ENTHD1: variants seen among roughly 807,000 people sequenced by gnomAD.
ENTHD1 encodes ENTH domain-containing protein 1.
ENTHD1 carries 23 observed loss-of-function variants against 39.1 expected under a neutral mutation model. The observed-to-expected ratio is 0.59, with a 90% CI of 0.42 to 0.83. The LOEUF is 0.83. ENTHD1 is among the 40% of genes least tolerant of loss of function. ENTHD1 has a pLI of 0.00. For missense variants in ENTHD1, 624 were observed against 705.4 expected, an observed-to-expected ratio of 0.88 and a Z score of 1.31; for synonymous variants, 230 against 258.2, an observed-to-expected ratio of 0.89 and a Z score of 1.05.
intron 5 of ENTHD1, among the ~76,000 whole-genome samples, chr22:39,790,853 C>T (rs1208610082): frequency 1.3e-5 from 2 of 152,162 alleles, no homozygotes; most frequent in African/African-American, 4.8e-5. Flanking sequence ...GGTGAAGACT[C>T]ACAACATGGT....
chr22:39,774,554 T>C lies in ENTHD1; in HGVS notation c.833-8945A>G, dbSNP rs576942416. ...GAACTATGGTTGTTACCACAACTTCTAAGAGGTCTCTCCAGCTTACCCCCT... is the reference window on the plus strand; with the variant it reads ...GAACTATGGTTGTTACCACAACTTCCAAGAGGTCTCTCCAGCTTACCCCCT... On this transcript the variant is annotated intron_variant, in intron 5 of 6. Transcript: ENST00000325157. Among the ~76,000 whole-genome samples the C allele has an allele frequency of 7.0e-4, 106 of 152,302 alleles. 1 individual carries two copies. In the South Asian group the frequency reaches 0.02, roughly 29 times the overall value.
At chr22:39,872,963 T>C (rs1365743554) in intron 2 of ENTHD1, among the ~76,000 whole-genome samples, 3 of 151,638 alleles carry the variant, frequency 2.0e-5, no homozygotes, top group Non-Finnish European at 4.4e-5. Context: ...CCATCAGCCA[T>C]GCCTAGCTAA....
intron 6 of ENTHD1, among the ~76,000 whole-genome samples, chr22:39,764,294 C>A (rs1368829186): frequency 6.6e-6 from 1 of 151,958 alleles, no homozygotes; most frequent in African/African-American, 2.4e-5. Context: ...GGCAACATAG[C>A]AAGACCCCAC....
intron 5 of ENTHD1, among the ~76,000 whole-genome samples, chr22:39,789,043 C>T (rs898964981): frequency 6.6e-6 from 1 of 151,994 alleles, no homozygotes; most frequent in Non-Finnish European, 1.5e-5. Flanking sequence ...GGCTTTATTG[C>T]GGTGGTCTGG....
chr22:39,748,052 C>T (rs1473915071), intron 6 of ENTHD1, among the ~76,000 whole-genome samples: 1 of 152,020 alleles, frequency 6.6e-6, no homozygotes, highest in African/African-American at 2.4e-5. Context: ...AATTTGAGAA[C>T]AGCCTGAGCA....
chr22:39,807,817 CAATA>C (rs1260135698), intron 5 of ENTHD1, among the ~76,000 whole-genome samples: 1 of 151,666 alleles, frequency 6.6e-6, no homozygotes, highest in Admixed American at 6.6e-5. Flanking sequence ...AGTACACTGT[CAATA>C]AACATTGTTT....
intron 5 of ENTHD1, among the ~76,000 whole-genome samples, chr22:39,804,158 T>C (rs1368400235): frequency 6.6e-6 from 1 of 151,596 alleles, no homozygotes; most frequent in Non-Finnish European, 1.5e-5. Flanking sequence ...AGCAAAACTC[T>C]GTCTCAAAAA....
At chr22:39,876,982 A>G (rs2066295705) in intron 2 of ENTHD1, among the ~76,000 whole-genome samples, 1 of 152,216 alleles carries the variant, frequency 6.6e-6, no homozygotes, top group Non-Finnish European at 1.5e-5. Flanking sequence ...AAAGATGTGT[A>G]CATAAATGGA....
intron 2 of ENTHD1, among the ~76,000 whole-genome samples, chr22:39,884,265 A>G (rs1450887528): frequency 6.6e-6 from 1 of 151,398 alleles, no homozygotes; most frequent in African/African-American, 2.4e-5. Flanking sequence ...TGCAACCTTC[A>G]CCTCCTAGGT....
At chr22:39,790,675 G>T (rs1378375643) in intron 5 of ENTHD1, among the ~76,000 whole-genome samples, 4 of 152,192 alleles carry the variant, frequency 2.6e-5, no homozygotes, top group Non-Finnish European at 4.4e-5. Context: ...CTACTGGTCA[G>T]ATCGTCTGTT....
chr22:39,765,455 C>G lies in ENTHD1; in HGVS notation c.987G>C (p.Leu329Phe). 6.2e-7 allele frequency: 1 copy of G among 1,613,846 alleles called. No individual in the cohort carries two copies. Among genetic ancestry groups the G allele is most frequent in the Non-Finnish European group, 8.5e-7 (1 of 1,179,950 alleles). The change falls in exon 6 of 7, where the codon TTG (leucine) becomes TTC (phenylalanine). Residue 329 changes from leucine to phenylalanine, a missense_variant. Coordinates refer to ENST00000325157, the MANE Select transcript of ENTHD1 (RefSeq NM_152512.4). Reference sequence around the variant, plus strand: ...TTGACCAACATGCTGGTAAAATTGTCAATGTTTTAAGACCTTCTGCAGCTG... The same window carrying G: ...TTGACCAACATGCTGGTAAAATTGTGAATGTTTTAAGACCTTCTGCAGCTG... ...KQSAAEGLKT[L>F]TILPACWSSK... is the part of the protein sequence containing the mutation.
chr22:39,846,933 T>G (rs1001624295), intron 3 of ENTHD1, among the ~76,000 whole-genome samples: 2 of 152,126 alleles, frequency 1.3e-5, no homozygotes, highest in Non-Finnish European at 2.9e-5. Flanking sequence ...GGAACACTTT[T>G]ACACTGTTGG....
rs370150436 is a variant in ENTHD1 at position 39,759,740 on chromosome 22, C to CTAGTTT, written c.1219+5477_1219+5482dup. Among the ~76,000 whole-genome samples the CTAGTTT allele has an allele frequency of 2.8e-4, 43 of 152,104 alleles. 1 individual carries two copies. Among genetic ancestry groups the CTAGTTT allele is most frequent in the African/African-American group, 9.6e-4 (40 of 41,552 alleles). ...TAATTTTCCCTCTAGCAATTTCCTA[C>CTAGTTT]TAGTTTTAATGCATCTCACATTTTT... On this transcript the variant is annotated intron_variant, in intron 6 of 6. Coordinates refer to ENST00000325157, the MANE Select transcript of ENTHD1 (RefSeq NM_152512.4).
At chr22:39,839,684 A>G (rs1259207131) in intron 3 of ENTHD1, among the ~76,000 whole-genome samples, 2 of 152,200 alleles carry the variant, frequency 1.3e-5, no homozygotes, top group Admixed American at 1.3e-4. Flanking sequence ...TAGATCATCT[A>G]TCTACTTTCA....
At chr22:39,871,357 GACTA>G (rs2066242789) in intron 2 of ENTHD1, among the ~76,000 whole-genome samples, 1 of 152,078 alleles carries the variant, frequency 6.6e-6, no homozygotes, top group African/African-American at 2.4e-5. Context: ...CTTACTATGT[GACTA>G]ACTCTCAGAC....
chr22:39,792,361 G>A (rs1375727422), intron 5 of ENTHD1, among the ~76,000 whole-genome samples: 1 of 152,032 alleles, frequency 6.6e-6, no homozygotes, highest in East Asian at 1.9e-4. Context: ...CCACCTCTGA[G>A]ACTTTAGACT....
rs771204559 is a variant in ENTHD1 at position 39,765,481 on chromosome 22, A to G, written c.961T>C (p.Ser321Pro). Residue 321 changes from serine to proline, a missense_variant, in exon 6 of 7, where the codon TCA becomes CCA. Coordinates refer to ENST00000325157, the MANE Select transcript of ENTHD1 (RefSeq NM_152512.4). Reference protein sequence around the residue: ...NLLETPLEKQSAAEGLKTLTI... With the variant: ...NLLETPLEKQPAAEGLKTLTI... ...AATGTTTTAAGACCTTCTGCAGCTG[A>G]TTGCTTTTCTAAAGGTGTTTCCAAG... 6.2e-7 allele frequency: 1 copy of G among 1,613,872 alleles called. No individual in the cohort carries two copies. Among genetic ancestry groups the G allele is most frequent in the Admixed American group, 1.7e-5 (1 of 59,946 alleles).
At chr22:39,851,450 C>T (rs1045738808) in intron 3 of ENTHD1, among the ~76,000 whole-genome samples, 5 of 151,550 alleles carry the variant, frequency 3.3e-5, no homozygotes, top group Non-Finnish European at 7.4e-5. Context: ...CTGTATCTGA[C>T]CTTTCCAATA....
At chr22:39,860,154 C>T (rs1432782338) in intron 3 of ENTHD1, among the ~76,000 whole-genome samples, 1 of 152,174 alleles carries the variant, frequency 6.6e-6, no homozygotes, top group East Asian at 1.9e-4. Context: ...TAAAAGAAAA[C>T]TTATTTTACT....
Sources: gnomAD v4.1 joint callset for allele counts (sites outside exome capture counted in the v4.1 genomes callset) on GRCh38, gnomAD v4.1.1 for gene constraint, MANE v1.5 for transcripts, NCBI Gene and HGNC (gene_info 2026-07-23, HGNC 2026-07-21) for gene names.